Variants in OCA2 observed in about 807,000 individuals in gnomAD.
The protein encoded by OCA2 is P protein.
In OCA2, 77 loss-of-function variants were observed where a neutral mutation model predicts 100.2. The observed-to-expected ratio is 0.77, with a 90% CI of 0.64 to 0.93. The LOEUF is 0.93. Ranked by LOEUF, OCA2 falls within the 40% of genes least tolerant of loss-of-function variation. OCA2 has a pLI of 0.00. For missense variants in OCA2, 1,062 were observed against 1,089.1 expected, an observed-to-expected ratio of 0.98 and a Z score of 0.35; for synonymous variants, 432 against 439.2, an observed-to-expected ratio of 0.98 and a Z score of 0.21.
At chr15:27,775,102 G>A (rs75345652) in intron 23 of OCA2, among the ~76,000 whole-genome samples, 2 of 143,388 alleles carry the variant, frequency 1.4e-5, no homozygotes, top group Non-Finnish European at 3.1e-5. Context: ...GTGTGTGTGT[G>A]TCTGTGTGTT....
intron 21 of OCA2, among the ~76,000 whole-genome samples, chr15:27,859,229 C>T (rs2036046119): frequency 6.6e-6 from 1 of 151,904 alleles, no homozygotes. Flanking sequence ...GTCAATAAAA[C>T]CAAAAGCTGA....
At chr15:27,944,028 T>A (rs967452500) in intron 18 of OCA2, among the ~76,000 whole-genome samples, 1 of 152,196 alleles carries the variant, frequency 6.6e-6, no homozygotes, top group Non-Finnish European at 1.5e-5. Context: ...TCAGAATAGA[T>A]CTCTTCAAAT....
At chr15:27,802,134 T>C (rs1595435568) in intron 23 of OCA2, among the ~76,000 whole-genome samples, 1 of 152,156 alleles carries the variant, frequency 6.6e-6, no homozygotes, top group African/African-American at 2.4e-5. Flanking sequence ...TACGTATACA[T>C]CTATTATATT....
At chr15:27,985,491 A>G (rs548367209) in intron 12 of OCA2, among the ~76,000 whole-genome samples, 17 of 152,110 alleles carry the variant, frequency 1.1e-4, no homozygotes, top group Non-Finnish European at 2.2e-4. Flanking sequence ...TGCCATCGGT[A>G]TTCTGGTTAG....
intron 23 of OCA2, among the ~76,000 whole-genome samples, chr15:27,780,014 T>A (rs915642241): frequency 6.7e-6 from 1 of 149,100 alleles, no homozygotes; most frequent in East Asian, 2.0e-4. Context: ...GTTCTTACCA[T>A]AACAAAAATG....
Position 28,040,446 on chromosome 15 carries a change from G to A in OCA2, c.228-8283C>T, listed in dbSNP as rs967426187. On this transcript the variant is annotated intron_variant, in intron 2 of 23. Transcript: ENST00000354638. Reference sequence around the variant, plus strand: ...TAGCAACCTAATTTTATACGATAAGGAACTGGAAAAAGGAGAACAAACTAA... The same window carrying A: ...TAGCAACCTAATTTTATACGATAAGAAACTGGAAAAAGGAGAACAAACTAA... Among the ~76,000 whole-genome samples, 9 of 152,176 alleles carry A rather than the reference G, an allele frequency of 5.9e-5. 1 individual carries two copies. Among genetic ancestry groups the A allele is most frequent in the African/African-American group, 4.8e-5 (2 of 41,522 alleles).
intron 23 of OCA2, among the ~76,000 whole-genome samples, chr15:27,770,618 C>T (rs970739105): frequency 3.3e-5 from 5 of 152,088 alleles, no homozygotes; most frequent in Non-Finnish European, 5.9e-5. Context: ...GTGTCCTTAC[C>T]CACTTCCCTC....
intron 17 of OCA2, among the ~76,000 whole-genome samples, chr15:27,952,417 G>A (rs1050443062): frequency 2.0e-5 from 3 of 152,308 alleles, no homozygotes; most frequent in South Asian, 2.1e-4. Context: ...CTCATCCTCC[G>A]CAAGGCCTCC....
At chr15:27,995,235 C>A (rs1352090093) in intron 9 of OCA2, among the ~76,000 whole-genome samples, 1 of 152,182 alleles carries the variant, frequency 6.6e-6, no homozygotes, top group East Asian at 1.9e-4. Context: ...AAACAGCAGA[C>A]GTGAACAGCA....
In OCA2 at chr15:27,996,317, G is replaced by GA. The variant is rs2041726021; in HGVS notation, c.1045-5671dup. Among the ~76,000 whole-genome samples the GA allele has an allele frequency of 2.0e-5, 3 of 152,008 alleles. No individual in the cohort carries two copies. The South Asian group carries it at 6.2e-4, about 32-fold the overall frequency. On this transcript the variant is annotated intron_variant, in intron 9 of 23. Transcript: ENST00000354638. ...TGACACTACAGTGTATAAATGAATTGAAAACCACATTGTGCCCCATACATA... is the reference window on the plus strand; with the variant it reads ...TGACACTACAGTGTATAAATGAATTGAAAAACCACATTGTGCCCCATACATA...
At chr15:28,032,848 G>A (rs1000698979) in intron 2 of OCA2, among the ~76,000 whole-genome samples, 1 of 151,018 alleles carries the variant, frequency 6.6e-6, no homozygotes, top group African/African-American at 2.4e-5. Context: ...TGGTGCTTTT[G>A]TAGGCAGAAA....
chr15:27,768,386 C>A (rs1277455028), intron 23 of OCA2, among the ~76,000 whole-genome samples: 5 of 152,206 alleles, frequency 3.3e-5, no homozygotes, highest in Non-Finnish European at 7.3e-5. Context: ...TCCTCTCCTG[C>A]CCCCACACCC....
intron 19 of OCA2, among the ~76,000 whole-genome samples, chr15:27,898,058 C>G (rs1353229317): frequency 6.6e-6 from 1 of 152,100 alleles, no homozygotes; most frequent in Non-Finnish European, 1.5e-5. Context: ...ATGCTTGTAC[C>G]CCCATTATAT....
In OCA2 at chr15:27,921,511, G is replaced by A. The variant is rs138746398; in HGVS notation, c.2079+4616C>T. ...CCATACAAAGAAGTAAAGAATTGTAGGAAAGATACACACAAACACACACAC... is the reference window on the plus strand; with the variant it reads ...CCATACAAAGAAGTAAAGAATTGTAAGAAAGATACACACAAACACACACAC... On this transcript the variant is annotated intron_variant, in intron 19 of 23. Coordinates refer to ENST00000354638, the MANE Select transcript of OCA2 (RefSeq NM_000275.3). Among the ~76,000 whole-genome samples the A allele has an allele frequency of 1.2e-3, 183 of 152,050 alleles. 1 individual carries two copies. The highest frequency in any genetic ancestry group is 4.1e-3 in the African/African-American group (169 of 41,500).
At chr15:27,908,005 C>G (rs2038242407) in intron 19 of OCA2, among the ~76,000 whole-genome samples, 1 of 151,892 alleles carries the variant, frequency 6.6e-6, no homozygotes, top group Non-Finnish European at 1.5e-5. Flanking sequence ...TCCTAACTCC[C>G]TTTATGAAGC....
At chr15:27,914,543 T>C (rs1448122336) in intron 19 of OCA2, among the ~76,000 whole-genome samples, 1 of 151,846 alleles carries the variant, frequency 6.6e-6, no homozygotes, top group South Asian at 2.1e-4. Context: ...TGGCTGAAAA[T>C]CAGGAGCATT....
intron 19 of OCA2, among the ~76,000 whole-genome samples, chr15:27,893,642 G>A (rs1040474808): frequency 3.3e-5 from 5 of 152,112 alleles, no homozygotes; most frequent in African/African-American, 1.2e-4. Context: ...TTGAGATAAG[G>A]ACTGAGATAT....
intron 23 of OCA2, among the ~76,000 whole-genome samples, chr15:27,782,731 C>G (rs2032607082): frequency 6.6e-6 from 1 of 152,200 alleles, no homozygotes. Flanking sequence ...TCTTCCTAAC[C>G]TGATTCTTTG....
intron 23 of OCA2, among the ~76,000 whole-genome samples, chr15:27,835,879 GC>G (rs2035131471): frequency 6.6e-6 from 1 of 152,192 alleles, no homozygotes; most frequent in African/African-American, 2.4e-5. Flanking sequence ...GTGGGGCATT[GC>G]TTCCTGAAAA....
Sources: gnomAD v4.1 joint callset for allele counts (sites outside exome capture counted in the v4.1 genomes callset) on GRCh38, gnomAD v4.1.1 for gene constraint, MANE v1.5 for transcripts, NCBI Gene and HGNC (gene_info 2026-07-23, HGNC 2026-07-21) for gene names.